HMBOX1: variants seen among roughly 807,000 people sequenced by gnomAD.
The protein encoded by HMBOX1 is homeobox-containing protein 1.
Under a neutral mutation model 54.5 loss-of-function variants are expected in HMBOX1, and 14 were observed. The ratio of observed to expected loss-of-function variants is 0.26; its 90% CI spans 0.17 to 0.40. HMBOX1 has a LOEUF of 0.40. HMBOX1 is among the 10% of genes least tolerant of loss of function. The pLI is 1.00. For missense variants in HMBOX1, 332 were observed against 514.4 expected (o/e 0.65, Z 3.43); for synonymous variants, 160 against 181.0 (o/e 0.88, Z 0.93).
At chr8:28,914,334 T>C (rs1016367857) in intron 1 of HMBOX1, among the ~76,000 whole-genome samples, 10 of 152,168 alleles carry the variant, frequency 6.6e-5, no homozygotes, top group Non-Finnish European at 1.0e-4. Context: ...TTGGGACTTA[T>C]ATAGTAAAAT....
chr8:29,049,310 T>TG, intron 9 of HMBOX1: 1 of 1,535,734 alleles, frequency 6.5e-7, no homozygotes, highest in Non-Finnish European at 8.7e-7. Flanking sequence ...AAGTACGCAA[T>TG]GGGGAGGAGG....
intron 1 of HMBOX1, among the ~76,000 whole-genome samples, chr8:28,942,443 G>T (rs147257248): frequency 1.3e-5 from 2 of 152,174 alleles, no homozygotes; most frequent in Non-Finnish European, 2.9e-5. Flanking sequence ...GTACAAAAAT[G>T]TATCCAGGGG....
In HMBOX1 at chr8:29,051,459, A is replaced by G. The variant is rs1263085632; in HGVS notation, c.*304A>G. On this transcript the variant is annotated 3_prime_UTR_variant, in exon 10 of 10. Coordinates refer to ENST00000287701, the MANE Select transcript of HMBOX1 (RefSeq NM_001135726.3). ...AGAAAGTGCTTCCAGGTATTTAGAT[A>G]GCCCTCAGTTCTCAAATATTAGACT... The G allele has an allele frequency of 2.9e-6, 2 of 690,074 alleles. No homozygotes were observed. The highest frequency in any genetic ancestry group is 3.5e-5 in the African/African-American group (2 of 56,996). 42.7% of individuals were successfully genotyped at this position (690,074 alleles called of 1,614,324 possible). A position where few individuals can be genotyped will look rare whatever the true frequency, so the allele number is the denominator to read the frequency against.
chr8:29,009,339 C>T (rs981358932), intron 5 of HMBOX1, 157 bp downstream of exon 5: 38 of 655,978 alleles, frequency 5.8e-5, no homozygotes, highest in Non-Finnish European at 6.6e-5. Flanking sequence ...AAAGCTAAAC[C>T]CTGACTGTAA....
chr8:29,015,760 C>T (rs897755919), intron 5 of HMBOX1, among the ~76,000 whole-genome samples: 10 of 152,142 alleles, frequency 6.6e-5, no homozygotes, highest in Non-Finnish European at 1.3e-4. Flanking sequence ...TGGCAAACTT[C>T]ATATAAAGGG....
intron 8 of HMBOX1, among the ~76,000 whole-genome samples, 169 bp downstream of exon 8, chr8:29,047,622 C>T (rs1191443998): frequency 7.0e-6 from 1 of 142,294 alleles, no homozygotes; most frequent in African/African-American, 2.7e-5. Context: ...GGCTGGAGTG[C>T]AGTGGCGCGA....
chr8:28,903,347 G>T (rs551481024), intron 1 of HMBOX1, among the ~76,000 whole-genome samples: 5 of 152,238 alleles, frequency 3.3e-5, no homozygotes, highest in African/African-American at 1.2e-4. Flanking sequence ...ACCTTGGTGA[G>T]TAATTTTAGT....
chr8:28,994,219 C>T (rs1040681196), intron 4 of HMBOX1, among the ~76,000 whole-genome samples: 1 of 150,326 alleles, frequency 6.7e-6, no homozygotes, highest in Non-Finnish European at 1.5e-5. Flanking sequence ...GCCAAATTTG[C>T]CCTACCAGAT....
rs540268715 is a variant in HMBOX1, at chr8:29,018,972, G to A, written c.851+59G>A. On this transcript the variant is annotated intron_variant, in intron 6 of 9. Coordinates refer to ENST00000287701, the MANE Select transcript of HMBOX1 (RefSeq NM_001135726.3). ...AAACTTAGGGAAGACATCAACTCTG[G>A]ATAGACTGGGACAGTTTTCATTTCA... 7 of 1,505,540 alleles carry A rather than the reference G, an allele frequency of 4.6e-6. No homozygotes were observed. In the African/African-American group the frequency reaches 6.9e-5, roughly 15 times the overall value. 93.3% of individuals were successfully genotyped at this position (1,505,540 alleles called of 1,614,324 possible).
intron 1 of HMBOX1, among the ~76,000 whole-genome samples, chr8:28,954,775 G>A (rs752153748): frequency 6.6e-6 from 1 of 152,178 alleles, no homozygotes; most frequent in Non-Finnish European, 1.5e-5. Flanking sequence ...GAAGAAGGAT[G>A]GATGACAAGA....
intron 1 of HMBOX1, among the ~76,000 whole-genome samples, chr8:28,926,463 C>A (rs536222865): frequency 3.2e-4 from 49 of 152,248 alleles, no homozygotes; most frequent in Non-Finnish European, 6.2e-4. Flanking sequence ...CTTCTAACAA[C>A]CTCATGACTT....
chr8:28,925,392 C>A (rs1818273312), intron 1 of HMBOX1, among the ~76,000 whole-genome samples: 1 of 151,914 alleles, frequency 6.6e-6, no homozygotes, highest in African/African-American at 2.4e-5. Context: ...TTCTTTAGTT[C>A]TAGTTTTGTT....
At chr8:28,929,804 T>TC (rs1282335808) in intron 1 of HMBOX1, among the ~76,000 whole-genome samples, 6 of 152,120 alleles carry the variant, frequency 3.9e-5, no homozygotes, top group Non-Finnish European at 7.4e-5. Flanking sequence ...AGCACTGCTA[T>TC]CCCCTGCCAC....
intron 1 of HMBOX1, among the ~76,000 whole-genome samples, chr8:28,912,471 T>C (rs1330939398): frequency 6.6e-6 from 1 of 152,272 alleles, no homozygotes. Context: ...ACCCCATTTC[T>C]TGATGAACTC....
intron 8 of HMBOX1, among the ~76,000 whole-genome samples, chr8:29,047,896 T>C (rs1207510049): frequency 4.6e-5 from 7 of 152,190 alleles, no homozygotes; most frequent in Non-Finnish European, 5.9e-5. Context: ...AAAGTTGCCC[T>C]AATGTCTTTC....
At chr8:28,934,849 C>T (rs1585907470) in intron 1 of HMBOX1, among the ~76,000 whole-genome samples, 1 of 151,864 alleles carries the variant, frequency 6.6e-6, no homozygotes, top group Non-Finnish European at 1.5e-5. Context: ...ATGGCGTGAA[C>T]CCGGGAGGCG....
chr8:28,988,951 G>A (rs1004619197), intron 4 of HMBOX1, among the ~76,000 whole-genome samples: 1 of 151,544 alleles, frequency 6.6e-6, no homozygotes, highest in African/African-American at 2.4e-5. Context: ...TTCTTTTGTG[G>A]TTCTTGCTTT....
chr8:28,959,799 G>A (rs936347828), intron 1 of HMBOX1, among the ~76,000 whole-genome samples: 1 of 152,052 alleles, frequency 6.6e-6, no homozygotes, highest in African/African-American at 2.4e-5. Flanking sequence ...TCTTTCTATA[G>A]ATTCTTAATT....
intron 3 of HMBOX1, among the ~76,000 whole-genome samples, chr8:28,971,866 A>C (rs1420507892): frequency 6.6e-6 from 1 of 151,968 alleles, no homozygotes; most frequent in African/African-American, 2.4e-5. Flanking sequence ...CCTGCAGATA[A>C]ATTAGTTACA....
Sources: gnomAD v4.1 joint callset for allele counts (sites outside exome capture counted in the v4.1 genomes callset) on GRCh38, gnomAD v4.1.1 for gene constraint, MANE v1.5 for transcripts, NCBI Gene and HGNC (gene_info 2026-07-23, HGNC 2026-07-21) for gene names.